Variants in FMNL2 observed in about 807,000 individuals in gnomAD.
The protein encoded by FMNL2 is formin like 2.
In FMNL2, 51 loss-of-function variants were observed where a neutral mutation model predicts 130.2. The ratio of observed to expected loss-of-function variants is 0.39; its 90% CI spans 0.31 to 0.49. FMNL2 has a LOEUF of 0.49. FMNL2 is among the 20% of genes least tolerant of loss of function. The probability of loss-of-function intolerance (pLI) is 0.85; values close to 1 mark genes in which losing one functional copy is unlikely to be tolerated. For synonymous variants in FMNL2, 465 were observed against 467.1 expected (o/e 1.00, Z 0.06); for missense variants, 977 against 1,316.2 (o/e 0.74, Z 3.99).
intron 9 of FMNL2, among the ~76,000 whole-genome samples, chr2:152,590,807 T>C (rs1697390124): frequency 6.6e-6 from 1 of 151,790 alleles, no homozygotes; most frequent in African/African-American, 2.4e-5. Flanking sequence ...TGTAAAGATA[T>C]ATGTGTGCAC....
chr2:152,350,404 T>C (rs1417336939), intron 1 of FMNL2, among the ~76,000 whole-genome samples: 4 of 152,110 alleles, frequency 2.6e-5, no homozygotes, highest in Non-Finnish European at 5.9e-5. Flanking sequence ...TTATAGGTGG[T>C]TTTGTGTAGT....
intron 1 of FMNL2, among the ~76,000 whole-genome samples, chr2:152,342,537 G>A (rs374231750): frequency 1.5e-4 from 23 of 152,136 alleles, no homozygotes; most frequent in African/African-American, 5.1e-4. Context: ...GAGCCTTCAT[G>A]TACCTTCTTA....
intron 6 of FMNL2, among the ~76,000 whole-genome samples, chr2:152,564,703 A>AGCCTGG (rs1695718843): frequency 6.7e-6 from 1 of 148,764 alleles, no homozygotes; most frequent in South Asian, 2.2e-4. Context: ...ACTGCACTCC[A>AGCCTGG]GCCTGGGTGA....
At chr2:152,492,701 A>G (rs1691282169) in intron 1 of FMNL2, among the ~76,000 whole-genome samples, 1 of 152,094 alleles carries the variant, frequency 6.6e-6, no homozygotes, top group Admixed American at 6.5e-5. Flanking sequence ...GTGTTTCAGT[A>G]TTTTGTTTTG....
chr2:152,412,112 C>T (rs1383728109), intron 1 of FMNL2, among the ~76,000 whole-genome samples: 1 of 152,192 alleles, frequency 6.6e-6, no homozygotes, highest in Admixed American at 6.5e-5. Context: ...CTTTTATTTC[C>T]TTTCCTGTGT....
At chr2:152,424,535 C>G (rs1361370284) in intron 1 of FMNL2, among the ~76,000 whole-genome samples, 1 of 152,058 alleles carries the variant, frequency 6.6e-6, no homozygotes, top group Non-Finnish European at 1.5e-5. Flanking sequence ...GGATTACAGG[C>G]GTGCGCCACC....
intron 1 of FMNL2, among the ~76,000 whole-genome samples, chr2:152,368,514 G>T (rs1683696425): frequency 6.6e-6 from 1 of 151,880 alleles, no homozygotes; most frequent in Admixed American, 6.6e-5. Flanking sequence ...TTCCTTGAGG[G>T]AACTTCAAAC....
chr2:152,539,920 T>G lies in FMNL2; in HGVS notation c.202-2819T>G, dbSNP rs1694208978. ...TTCAATACCAGCCTGGGCAACATGG[T>G]GAGACCTTGTCTTTAGAAAATTAGC... On this transcript the variant is annotated intron_variant, in intron 2 of 25. Coordinates refer to ENST00000288670, the MANE Select transcript of FMNL2 (RefSeq NM_052905.4). 3.3e-5 allele frequency among the ~76,000 whole-genome samples: 5 copies of G among 152,232 alleles called. No homozygotes were observed. In the South Asian group the frequency reaches 8.3e-4, roughly 25 times the overall value.
chr2:152,619,160 TAAG>T lies in FMNL2; in HGVS notation c.1627+6_1627+8del. 6.5e-7 allele frequency: 1 copy of T among 1,547,296 alleles called. No individual in the cohort carries two copies. The highest frequency in any genetic ancestry group is 8.7e-7 in the Non-Finnish European group (1 of 1,151,038). ...CCTCATCAGACACACCTGAAACAGG[TAAG>T]AAGCCTTGGCAGGAGGACTGAGGAA... On this transcript the variant is annotated splice_donor_5th_base_variant and intron_variant, in intron 14 of 25. Coordinates refer to ENST00000288670, the MANE Select transcript of FMNL2 (RefSeq NM_052905.4).
At chr2:152,638,648 A>G (rs910753944) in intron 23 of FMNL2, among the ~76,000 whole-genome samples, 1 of 152,210 alleles carries the variant, frequency 6.6e-6, no homozygotes, top group African/African-American at 2.4e-5. Context: ...CGTCTGTGGC[A>G]GTCAGGGTGA....
intron 1 of FMNL2, among the ~76,000 whole-genome samples, chr2:152,503,865 A>T (rs1382321542): frequency 6.6e-6 from 1 of 152,200 alleles, no homozygotes; most frequent in Non-Finnish European, 1.5e-5. Context: ...CCCTTGCTTC[A>T]GGTGGGGGAA....
intron 3 of FMNL2, among the ~76,000 whole-genome samples, chr2:152,543,591 T>A (rs2105500522): frequency 6.6e-6 from 1 of 152,186 alleles, no homozygotes; most frequent in African/African-American, 2.4e-5. Context: ...GTTGTTTCAG[T>A]GTGTGATTCT....
chr2:152,356,875 A>G (rs1363422326), intron 1 of FMNL2, among the ~76,000 whole-genome samples: 2 of 151,620 alleles, frequency 1.3e-5, no homozygotes, highest in Non-Finnish European at 2.9e-5. Context: ...AGCTTCTTTC[A>G]TGCATGAATT....
Position 152,558,800 on chromosome 2 carries a change from C to G in FMNL2, c.420C>G (p.Leu140=). The stretch of plus-strand genomic sequence containing the variant: ...GTCTTGATGTTCTAGTGGAATATCT[C>G]TCATTTGCACAGTACGCGGTAACGT... ...NKGLDVLVEY[L]SFAQYAVTFD... is the part of the protein sequence containing the mutation. The change falls in exon 5 of 26, where the codon CTC becomes CTG. Residue 140 remains leucine (L), a synonymous_variant. Transcript: ENST00000288670. The G allele has an allele frequency of 2.5e-6, 4 of 1,612,620 alleles. No individual in the cohort carries two copies. The highest frequency in any genetic ancestry group is 3.4e-6 in the Non-Finnish European group (4 of 1,179,634).
intron 13 of FMNL2, among the ~76,000 whole-genome samples, chr2:152,618,558 T>A (rs1179272622): frequency 6.6e-6 from 1 of 152,208 alleles, no homozygotes; most frequent in Non-Finnish European, 1.5e-5. Flanking sequence ...AGAGTCAGCA[T>A]TCCGGGTCAT....
chr2:152,370,415 G>A (rs1425961948), intron 1 of FMNL2, among the ~76,000 whole-genome samples: 1 of 152,140 alleles, frequency 6.6e-6, no homozygotes, highest in Non-Finnish European at 1.5e-5. Flanking sequence ...CAAGTTGGGG[G>A]CTAGGATTTC....
At chr2:152,409,994 A>G (rs1013365066) in intron 1 of FMNL2, among the ~76,000 whole-genome samples, 1 of 152,212 alleles carries the variant, frequency 6.6e-6, no homozygotes, top group African/African-American at 2.4e-5. Context: ...ACGAGTAGGA[A>G]AAAGATGGTT....
At chr2:152,560,445 C>T (rs1232904053) in intron 5 of FMNL2, among the ~76,000 whole-genome samples, 1 of 152,164 alleles carries the variant, frequency 6.6e-6, no homozygotes, top group Non-Finnish European at 1.5e-5. Flanking sequence ...GAAAAGTACA[C>T]TTGCCAACAC....
intron 9 of FMNL2, among the ~76,000 whole-genome samples, chr2:152,601,667 C>CG (rs1553484907): frequency 0.015 from 2,001 of 132,168 alleles, 86 homozygotes; most frequent in African/African-American, 0.058. Flanking sequence ...CTTTTCTTTT[C>CG]TTTCTTTTTT....
Sources: allele counts gnomAD v4.1 joint callset (sites outside exome capture counted in the v4.1 genomes callset), GRCh38; gene constraint gnomAD v4.1.1; transcripts MANE v1.5; gene names NCBI Gene and HGNC (gene_info 2026-07-23, HGNC 2026-07-21).